The following SBNO2 variants were observed in gnomAD, a reference collection of about 807,000 sequenced individuals.
SBNO2 encodes the protein protein strawberry notch homolog 2.
A neutral mutation model predicts 146.3 loss-of-function variants in SBNO2; 89 were observed. That is an observed-to-expected ratio of 0.61 (90% CI 0.51 to 0.73). SBNO2 has a LOEUF of 0.73. Ranked by LOEUF, SBNO2 falls within the 30% of genes least tolerant of loss-of-function variation. SBNO2 has a pLI of 0.00. For missense variants in SBNO2, 2,092 were observed against 2,003.7 expected, an observed-to-expected ratio of 1.04 and a Z score of -0.84; for synonymous variants, 1,147 against 892.6, an observed-to-expected ratio of 1.29 and a Z score of -5.08.
rs2080336893 is a variant in SBNO2 at position 1,160,873 on chromosome 19, A to G, written c.-126-6471T>C. 3.3e-5 allele frequency among the ~76,000 whole-genome samples: 5 copies of G among 151,844 alleles called. No homozygotes were observed. In the South Asian group the frequency reaches 1.0e-3, roughly 32 times the overall value. ...ATAGTAACATGAATCTCTGTAACTC[A>G]CTAGACTGTGGCCAGGGAAACCTGT... On this transcript the variant is annotated intron_variant, in intron 1 of 31. Coordinates refer to ENST00000361757, the MANE Select transcript of SBNO2 (RefSeq NM_014963.3).
At chr19:1,154,676 TCACAGGGCAGCCGTAGGAC>T (rs2080273141) in intron 1 of SBNO2, among the ~76,000 whole-genome samples, 1 of 152,016 alleles carries the variant, frequency 6.6e-6, no homozygotes, top group African/African-American at 2.4e-5. Flanking sequence ...GCTGCCCAGG[TCACAGGGCAGCCGTAGGAC>T]CAGGCACCCA....
rs1472624684 is a variant in SBNO2, at chr19:1,111,053, C to T, written c.2850G>A (p.Arg950=). 1.3e-6 allele frequency: 2 copies of T among 1,567,234 alleles called. No homozygotes were observed. The highest frequency in any genetic ancestry group is 1.9e-5 in the Admixed American group (1 of 53,180). Residue 950 remains arginine, a synonymous_variant, in exon 25 of 32, where the codon CGG becomes CGA. Coordinates refer to ENST00000361757, the MANE Select transcript of SBNO2 (RefSeq NM_014963.3). ...QGLLSVGIGG[R]ESRNGCLDVE... ...CGTCCAGGCAGCCATTCCGGGACTC[C>T]CGGCCACCAATGCCCACAGACAGCA...
intron 5 of SBNO2, 87 bp downstream of exon 5, chr19:1,127,517 C>T: frequency 7.7e-7 from 1 of 1,292,464 alleles, no homozygotes; most frequent in South Asian, 1.2e-5. Context: ...GTGGGGGAGA[C>T]TGAGACCTCA....
intron 1 of SBNO2, among the ~76,000 whole-genome samples, chr19:1,165,359 A>AG (rs767017069): frequency 5.9e-5 from 9 of 152,138 alleles, no homozygotes; most frequent in Non-Finnish European, 8.8e-5. Context: ...CCACAGGGCC[A>AG]GGGGGACGTC....
rs936362709 is a variant in SBNO2 at position 1,144,881 on chromosome 19, G to A, written c.279+2428C>T. ...AGAGGGAGACACAGACAGAGACAGAGAGGGAGACAGAGAGACAGAGGCGGA... is the reference window on the plus strand; with the variant it reads ...AGAGGGAGACACAGACAGAGACAGAAAGGGAGACAGAGAGACAGAGGCGGA... On this transcript the variant is annotated intron_variant, in intron 4 of 31. Transcript: ENST00000361757. The surrounding 1 kb of genome is among the most constrained non-coding windows in gnomAD (Gnocchi z 4.1). Among the ~76,000 whole-genome samples the A allele has an allele frequency of 1.1e-4, 16 of 150,074 alleles. No homozygotes were observed. Among genetic ancestry groups the A allele is most frequent in the African/African-American group, 4.0e-4 (16 of 40,154 alleles).
rs1240599546 is a variant in SBNO2 at position 1,158,141 on chromosome 19, G to C, written c.-126-3739C>G. ...TGGACGCCCCAGGGTCTCACCCCAC[G>C]CTGTGCAGCAACAGCTCAGCCTCCT... On this transcript the variant is annotated intron_variant, in intron 1 of 31. Coordinates refer to ENST00000361757, the MANE Select transcript of SBNO2 (RefSeq NM_014963.3). This position sits in a 1 kb window ranked among gnomAD's most constrained non-coding sequence, Gnocchi z 9.9. Among the ~76,000 whole-genome samples the C allele has an allele frequency of 6.6e-6, 1 of 152,188 alleles. No individual in the cohort carries two copies. The highest frequency in any genetic ancestry group is 1.5e-5 in the Non-Finnish European group (1 of 68,028).
intron 4 of SBNO2, among the ~76,000 whole-genome samples, chr19:1,128,871 G>C (rs996689287): frequency 4.0e-5 from 6 of 151,882 alleles, no homozygotes; most frequent in African/African-American, 2.4e-5. Context: ...GGGGGGCTGA[G>C]GCGGGAGGAT....
At chr19:1,151,423 C>T (rs1224727446) in intron 2 of SBNO2, among the ~76,000 whole-genome samples, 2 of 152,182 alleles carry the variant, frequency 1.3e-5, no homozygotes, top group Non-Finnish European at 2.9e-5. Flanking sequence ...CTGCCTCTAT[C>T]CCCCTAGTCT....
In SBNO2 at chr19:1,150,112, T is replaced by C. The variant is rs569730811; in HGVS notation, c.94-670A>G. Reference sequence around the variant, plus strand: ...CGTGAGTGGCTCCAGGTTGGCCGAATCTCTGGTGGGTCTGACTCCAGGCCA... The same window carrying C: ...CGTGAGTGGCTCCAGGTTGGCCGAACCTCTGGTGGGTCTGACTCCAGGCCA... On this transcript the variant is annotated intron_variant, in intron 2 of 31. Coordinates refer to ENST00000361757, the MANE Select transcript of SBNO2 (RefSeq NM_014963.3). This position sits in a 1 kb window ranked among gnomAD's most constrained non-coding sequence, Gnocchi z 6.2. Among the ~76,000 whole-genome samples, 2 of 152,194 alleles carry C rather than the reference T, an allele frequency of 1.3e-5. No homozygotes were observed. Among genetic ancestry groups the C allele is most frequent in the South Asian group, 4.1e-4 (2 of 4,832 alleles).
rs533810354 is a variant in SBNO2, at chr19:1,132,661, G to GC, written c.280-4897dup. Among the ~76,000 whole-genome samples, 131 of 152,274 alleles carry GC rather than the reference G, an allele frequency of 8.6e-4. 1 individual carries two copies. The highest frequency in any genetic ancestry group is 3.0e-3 in the African/African-American group (124 of 41,560). On this transcript the variant is annotated intron_variant, in intron 4 of 31. Coordinates refer to ENST00000361757, the MANE Select transcript of SBNO2 (RefSeq NM_014963.3). ...CCAAGCGCACCTCAGGCCCTGCTGC[G>GC]CCCCCCTGGGGCTCTCCCCACCCCA...
Position 1,114,472 on chromosome 19 carries a change from G to A in SBNO2, c.1886-50C>T, listed in dbSNP as rs1470183165. On this transcript the variant is annotated intron_variant, in intron 17 of 31. Coordinates refer to ENST00000361757, the MANE Select transcript of SBNO2 (RefSeq NM_014963.3). ...AGGGCCAGACCGCAGCAAGGTGGAG[G>A]AGCAGGTGGAGGAGACGCAGCAGGA... The A allele has an allele frequency of 4.9e-6, 7 of 1,431,416 alleles. No homozygotes were observed. In the African/African-American group the frequency reaches 8.6e-5, roughly 17 times the overall value. 88.7% of individuals were successfully genotyped at this position (1,431,416 alleles called of 1,614,324 possible).
intron 14 of SBNO2, among the ~76,000 whole-genome samples, chr19:1,118,638 G>A (rs1369396584): frequency 6.6e-6 from 1 of 152,232 alleles, no homozygotes; most frequent in Non-Finnish European, 1.5e-5. Context: ...GGAGGCCGAG[G>A]CGGGCAGATC....
chr19:1,116,886 G>A lies in SBNO2; in HGVS notation c.1745C>T (p.Thr582Met), dbSNP rs199715870. 2.8e-5 allele frequency: 45 copies of A among 1,581,324 alleles called. No individual in the cohort carries two copies. The highest frequency in any genetic ancestry group is 8.1e-5 in the African/African-American group (6 of 74,470). The change falls in exon 16 of 32, where the codon ACG (threonine) becomes ATG (methionine). Residue 582 changes from threonine (T) to methionine (M), a missense_variant. Thr to Met is a moderately conservative substitution (Grantham distance 81). Coordinates refer to ENST00000361757, the MANE Select transcript of SBNO2 (RefSeq NM_014963.3). Reference protein sequence around the residue: ...IGLQSTGEARTREVLGENDGH... With the variant: ...IGLQSTGEARMREVLGENDGH... ...ATCGTTCTCCCCCAGCACCTCCCGC[G>A]TGCGCGCCTCGCCCGTGGACTGCAG...
In SBNO2 at chr19:1,112,318, TC is replaced by T; in HGVS notation, c.2516-18del. ...GGGTGCGGCCTGGGGGCAGAGCTGC[TC>T]TCAGGGCCCGGCCAGGCGGGGGCGG... On this transcript the variant is annotated intron_variant, in intron 21 of 31. Transcript: ENST00000361757. The surrounding 1 kb of genome is among the most constrained non-coding windows in gnomAD (Gnocchi z 5.9). 6.3e-7 allele frequency: 1 copy of T among 1,576,108 alleles called. No homozygotes were observed. The highest frequency in any genetic ancestry group is 8.6e-7 in the Non-Finnish European group (1 of 1,162,492).
In SBNO2 at chr19:1,163,982, G is replaced by A. The variant is rs574589774; in HGVS notation, c.-126-9580C>T. Among the ~76,000 whole-genome samples the A allele has an allele frequency of 2.8e-3, 433 of 152,358 alleles. 3 individuals are homozygous for A. In the Middle Eastern group the frequency reaches 0.034, roughly 12 times the overall value. On this transcript the variant is annotated intron_variant, in intron 1 of 31. Transcript: ENST00000361757. ...GTGTACTGGCCAGACTCAGCGCCCTGAGGACGGGGTCGGAACCCAGCGCCC... is the reference window on the plus strand; with the variant it reads ...GTGTACTGGCCAGACTCAGCGCCCTAAGGACGGGGTCGGAACCCAGCGCCC...
At chr19:1,125,647 T>C (rs2079956728) in intron 5 of SBNO2, among the ~76,000 whole-genome samples, 1 of 151,316 alleles carries the variant, frequency 6.6e-6, no homozygotes, top group Non-Finnish European at 1.5e-5. Flanking sequence ...CACTCCAGCC[T>C]GGGCGACAAG....
At chr19:1,114,833 C>T (rs1007607685) in intron 17 of SBNO2, among the ~76,000 whole-genome samples, 2 of 151,628 alleles carry the variant, frequency 1.3e-5, no homozygotes, top group Admixed American at 1.3e-4. Flanking sequence ...TGGGGTTTCA[C>T]CATGTTGGCC....
chr19:1,129,790 C>A (rs77889294), intron 4 of SBNO2, among the ~76,000 whole-genome samples: 2,273 of 152,236 alleles, frequency 0.015, 57 homozygotes, highest in African/African-American at 0.051. Context: ...GCAGGGAGCG[C>A]AGGCAGAGCG....
At position 1,108,876 on chromosome 19, in the gene SBNO2, G is replaced by A. The variant is rs762773680; in HGVS notation, c.3519C>T (p.Arg1173=). The change falls in exon 31 of 32, where the codon CGC becomes CGT. Residue 1173 remains arginine, a synonymous_variant. Transcript: ENST00000361757. ...HHYMLCGALL[R]VWGRIAAVMA... Reference sequence around the variant, plus strand: ...TGACGGCGGCGATGCGGCCCCACACGCGCAGCAGCGCGCCGCACAGCATGT... The same window carrying A: ...TGACGGCGGCGATGCGGCCCCACACACGCAGCAGCGCGCCGCACAGCATGT... The A allele has an allele frequency of 4.3e-5, 68 of 1,590,514 alleles. No individual in the cohort carries two copies. In the Middle Eastern group the frequency reaches 5.1e-4, roughly 12 times the overall value.
Sources: allele counts gnomAD v4.1 joint callset (sites outside exome capture counted in the v4.1 genomes callset), GRCh38; gene constraint gnomAD v4.1.1; non-coding constraint Gnocchi (gnomAD v3.1); transcripts MANE v1.5; gene names NCBI Gene and HGNC (gene_info 2026-07-23, HGNC 2026-07-21).